Variants in PLXND1 observed in about 807,000 individuals in gnomAD.
The protein encoded by PLXND1 is plexin D1.
A neutral mutation model predicts 197.7 loss-of-function variants in PLXND1; 54 were observed. The ratio of observed to expected loss-of-function variants is 0.27; its 90% CI spans 0.22 to 0.34. The LOEUF is 0.34. PLXND1 is among the 10% of genes least tolerant of loss of function. PLXND1 has a pLI of 1.00. For synonymous variants in PLXND1, 1,180 were observed against 1,161.2 expected, an observed-to-expected ratio of 1.02 and a Z score of -0.33; for missense variants, 2,127 against 2,699.2, an observed-to-expected ratio of 0.79 and a Z score of 4.70.
At chr3:129,599,317 C>A (rs897840692) in intron 1 of PLXND1, among the ~76,000 whole-genome samples, 2 of 152,262 alleles carry the variant, frequency 1.3e-5, no homozygotes, top group Admixed American at 1.3e-4. Flanking sequence ...GTCTTCCCTG[C>A]GCTCAGCCCA....
In PLXND1 at chr3:129,589,574, G is replaced by A. The variant is rs1334899109; in HGVS notation, c.1312-47C>T. ...AGATCCCAGCTCCAGAACCTTCTCC[G>A]GCTCCCCGCCCGCACAGCTGGCTGG... On this transcript the variant is annotated intron_variant, in intron 1 of 35. Coordinates refer to ENST00000324093, the MANE Select transcript of PLXND1 (RefSeq NM_015103.3). 3.4e-6 allele frequency: 5 copies of A among 1,481,808 alleles called. No individual in the cohort carries two copies. In the African/African-American group the frequency reaches 4.3e-5, roughly 13 times the overall value. 91.8% of individuals were successfully genotyped at this position (1,481,808 alleles called of 1,614,324 possible).
intron 8 of PLXND1, among the ~76,000 whole-genome samples, chr3:129,579,512 G>C (rs1403937422): frequency 6.6e-6 from 1 of 152,162 alleles, no homozygotes; most frequent in Non-Finnish European, 1.5e-5. Context: ...TGGGAGGTAT[G>C]GACCCCCCAA....
chr3:129,575,248 A>T (rs1170628708), intron 11 of PLXND1, among the ~76,000 whole-genome samples: 1 of 147,658 alleles, frequency 6.8e-6, no homozygotes, highest in Non-Finnish European at 1.5e-5. Context: ...TATGGGGACG[A>T]TCAGGCCCAG....
intron 12 of PLXND1, among the ~76,000 whole-genome samples, chr3:129,573,946 T>G (rs1405643222): frequency 2.0e-5 from 3 of 152,178 alleles, no homozygotes; most frequent in Non-Finnish European, 4.4e-5. Flanking sequence ...TGTGCATTAC[T>G]GAGCCCACGT....
chr3:129,591,174 G>C (rs1165936607), intron 1 of PLXND1, among the ~76,000 whole-genome samples: 3 of 152,222 alleles, frequency 2.0e-5, no homozygotes, highest in Non-Finnish European at 4.4e-5. Context: ...GATGGGCTGG[G>C]GATGCCCTGG....
intron 25 of PLXND1, among the ~76,000 whole-genome samples, chr3:129,564,559 A>G (rs1181289482): frequency 6.6e-6 from 1 of 152,152 alleles, no homozygotes; most frequent in African/African-American, 2.4e-5. Flanking sequence ...TTTCTCCCAC[A>G]ATCCTCCAGG....
At chr3:129,593,258 T>G (rs529782245) in intron 1 of PLXND1, among the ~76,000 whole-genome samples, 1 of 151,908 alleles carries the variant, frequency 6.6e-6, no homozygotes, top group African/African-American at 2.4e-5. Context: ...GCCTCCAGTC[T>G]CCCTCCTCCC....
intron 7 of PLXND1, 79 bp from the exon 8 acceptor site, chr3:129,583,748 G>A: frequency 1.1e-6 from 1 of 925,966 alleles, no homozygotes; most frequent in Non-Finnish European, 1.7e-6. Context: ...GAACCCAAAA[G>A]GCAGATCCCA....
chr3:129,572,591 C>T lies in PLXND1; in HGVS notation c.3077+18G>A. 1 of 1,495,888 alleles carries T rather than the reference C, an allele frequency of 6.7e-7. No homozygotes were observed. Among genetic ancestry groups the T allele is most frequent in the East Asian group, 2.3e-5 (1 of 42,706 alleles). 92.7% of individuals were successfully genotyped at this position (1,495,888 alleles called of 1,614,324 possible). ...ATTTCTCTGGGCTGGAAGGGATGGG[C>T]CAGGCCCAGAGGCTTACATCAGCTC... On this transcript the variant is annotated intron_variant, in intron 15 of 35. Coordinates refer to ENST00000324093, the MANE Select transcript of PLXND1 (RefSeq NM_015103.3).
At chr3:129,565,670 G>A (rs1438147690) in intron 24 of PLXND1, 132 bp from the exon 25 acceptor site, 2 of 891,676 alleles carry the variant, frequency 2.2e-6, no homozygotes, top group East Asian at 2.7e-5. Flanking sequence ...TGCGAGGGGT[G>A]AGTGGGGCTA....
Position 129,565,397 on chromosome 3 carries a change from A to T in PLXND1, c.4464T>A (p.Ser1488=), listed in dbSNP as rs1200406930. The change falls in exon 25 of 36, where the codon TCT becomes TCA. Residue 1488 remains serine (S), a synonymous_variant. Coordinates refer to ENST00000324093, the MANE Select transcript of PLXND1 (RefSeq NM_015103.3). The part of the protein sequence containing the change: ...NPKLMLRRTE[S]VVEKMLTNWM... ...AGTTGGTGAGCATCTTCTCCACCAC[A>T]GACTCTGTGCGCCGCAGCATGAGCT... is the stretch of plus-strand genomic sequence containing the variant. 6.2e-7 allele frequency: 1 copy of T among 1,614,028 alleles called. No homozygotes were observed. Among genetic ancestry groups the T allele is most frequent in the South Asian group, 1.1e-5 (1 of 91,088 alleles).
chr3:129,578,146 G>C (rs2085339265), intron 9 of PLXND1, among the ~76,000 whole-genome samples, 183 bp downstream of exon 9: 1 of 152,242 alleles, frequency 6.6e-6, no homozygotes, highest in Non-Finnish European at 1.5e-5. Flanking sequence ...CGTGCAGTCA[G>C]AGTGGGGCTT....
Position 129,565,517 on chromosome 3 carries a change from C to A in PLXND1, c.4344G>T (p.Leu1448=). ...VRDRCSLASL[L]TIALHGKLEY... ...CCAGCTTGCCGTGCAGCGCGATGGT[C>A]AGCAGCGAGGCCAGGCTGCACCTGT... The change falls in exon 25 of 36, where the codon CTG becomes CTT. Residue 1448 remains leucine, a synonymous_variant. Coordinates refer to ENST00000324093, the MANE Select transcript of PLXND1 (RefSeq NM_015103.3). The A allele has an allele frequency of 6.2e-7, 1 of 1,613,586 alleles. No individual in the cohort carries two copies. Among genetic ancestry groups the A allele is most frequent in the Non-Finnish European group, 8.5e-7 (1 of 1,179,852 alleles).
rs1248242367 is a variant in PLXND1 at position 129,574,478 on chromosome 3, T to G, written c.2543A>C (p.Asn848Thr). 1 of 1,612,796 alleles carries G rather than the reference T, an allele frequency of 6.2e-7. No homozygotes were observed. The highest frequency in any genetic ancestry group is 8.5e-7 in the Non-Finnish European group (1 of 1,179,734). Residue 848 changes from asparagine (N) to threonine (T), a missense_variant, in exon 12 of 36, where the codon AAC becomes ACC. Coordinates refer to ENST00000324093, the MANE Select transcript of PLXND1 (RefSeq NM_015103.3). Reference protein sequence around the residue: ...SPEPMTVMVYNCAMGSPDCSQ... With the variant: ...SPEPMTVMVYTCAMGSPDCSQ... ...ACAGTCGGGGCTGCCCATGGCACAG[T>G]TATAGACCATGACTGGGGAGACACG...
At chr3:129,566,748 T>A (rs2085147647) in intron 22 of PLXND1, 117 bp from the exon 23 acceptor site, 2 of 624,298 alleles carry the variant, frequency 3.2e-6, no homozygotes, top group African/African-American at 3.7e-5. Context: ...TGGCACGGAA[T>A]TAGCTCCCCA....
intron 19 of PLXND1, among the ~76,000 whole-genome samples, chr3:129,570,402 GGA>G (rs2085206569): frequency 6.6e-6 from 1 of 151,432 alleles, no homozygotes; most frequent in African/African-American, 2.4e-5. Context: ...ACGCTGCTTG[GGA>G]GAGAGTGAGC....
In PLXND1 at chr3:129,606,274, G is replaced by T; in HGVS notation, c.366C>A (p.Asp122Glu). The change falls in exon 1 of 36, where the codon GAC (aspartate) becomes GAA (glutamate). Residue 122 changes from aspartate (D) to glutamate (E), a missense_variant. By Grantham distance (45) the Asp-to-Glu change is conservative. This residue lies in a region of PLXND1 where 245 missense variants were observed against 267.1 expected (regional missense o/e 0.92). Coordinates refer to ENST00000324093, the MANE Select transcript of PLXND1 (RefSeq NM_015103.3). ...ASCEHPRRLT[D>E]NYNKILQLDP... is the part of the protein sequence containing the mutation. Reference sequence around the variant, plus strand: ...CCAGCTGCAGGATCTTGTTGTAGTTGTCCGTGAGGCGCCGCGGGTGCTCGC... The same window carrying T: ...CCAGCTGCAGGATCTTGTTGTAGTTTTCCGTGAGGCGCCGCGGGTGCTCGC... The T allele has an allele frequency of 6.5e-7, 1 of 1,543,368 alleles. No homozygotes were observed.
intron 1 of PLXND1, among the ~76,000 whole-genome samples, chr3:129,601,035 T>C (rs1016983751): frequency 2.0e-5 from 3 of 152,106 alleles, no homozygotes; most frequent in African/African-American, 7.2e-5. Flanking sequence ...GGAAGGAAGG[T>C]AGACTCAGTC....
At chr3:129,569,134 T>G (rs977134015) in intron 20 of PLXND1, 2 of 152,320 alleles carry the variant, frequency 1.3e-5, no homozygotes, top group Admixed American at 6.5e-5. Flanking sequence ...AGTACTCCAC[T>G]CCTTCTTACG....
Sources: allele counts gnomAD v4.1 joint callset (sites outside exome capture counted in the v4.1 genomes callset), GRCh38; gene constraint gnomAD v4.1.1; regional missense constraint gnomAD v4.1.1; transcripts MANE v1.5; gene names NCBI Gene and HGNC (gene_info 2026-07-23, HGNC 2026-07-21).